Variants in OTOG observed in about 807,000 individuals in gnomAD.
OTOG encodes the protein otogelin.
OTOG carries 296 observed loss-of-function variants against 313.8 expected under a neutral mutation model. The observed-to-expected ratio is 0.94, with a 90% CI of 0.86 to 1.04. The LOEUF (loss-of-function observed/expected upper bound fraction) is 1.04, where lower values mean the gene tolerates loss of function less well. Among genes scored for constraint, OTOG ranks in the 50% least tolerant of loss-of-function variants. OTOG has a pLI of 0.00. For synonymous variants in OTOG, 1,533 were observed against 1,554.9 expected, an observed-to-expected ratio of 0.99 and a Z score of 0.33; for missense variants, 3,948 against 3,840.1, an observed-to-expected ratio of 1.03 and a Z score of -0.74.
rs1415578005 is a variant in OTOG at position 17,552,012 on chromosome 11, C to G, written c.229C>G (p.Pro77Ala). 18 of 1,550,376 alleles carry G rather than the reference C, an allele frequency of 1.2e-5. No homozygotes were observed. Among genetic ancestry groups the G allele is most frequent in the Non-Finnish European group, 1.3e-5 (15 of 1,146,908 alleles). The change falls in exon 4 of 56, where the codon CCA (proline) becomes GCA (alanine). Residue 77 changes from proline (P) to alanine (A), a missense_variant. Pro to Ala is a conservative substitution (Grantham distance 27, BLOSUM62 -1). Transcript: ENST00000399397. ...CTGTCTTCACAAGCAGGCTGAAGCCCCAGACTCCGTGGCCATGTCTTCCTG... is the reference window on the plus strand; with the variant it reads ...CTGTCTTCACAAGCAGGCTGAAGCCGCAGACTCCGTGGCCATGTCTTCCTG... ...TVVGGQQAEA[P>A]DSVAMSSWER... is the part of the protein sequence containing the mutation.
chr11:17,609,342 C>T, intron 35 of OTOG, 133 bp downstream of exon 35: 2 of 810,112 alleles, frequency 2.5e-6, no homozygotes, highest in South Asian at 1.7e-5. Flanking sequence ...GAAAGAGGCA[C>T]AGGCACAGGG....
chr11:17,593,522 G>A, intron 26 of OTOG, 88 bp from the exon 27 acceptor site: 2 of 1,503,896 alleles, frequency 1.3e-6, no homozygotes, highest in South Asian at 1.2e-5. Flanking sequence ...GGGAGGCAGA[G>A]GCATTGGTGA....
At chr11:17,564,291 G>A (rs1162624646) in intron 15 of OTOG, among the ~76,000 whole-genome samples, 1 of 152,174 alleles carries the variant, frequency 6.6e-6, no homozygotes. Context: ...GCTACAACAT[G>A]ATCAGTGCCA....
intron 21 of OTOG, 109 bp from the exon 22 acceptor site, chr11:17,576,759 A>T (rs2134033004): frequency 1.4e-6 from 2 of 1,465,140 alleles, no homozygotes; most frequent in Non-Finnish European, 1.9e-6. Flanking sequence ...GGGGGAAGTG[A>T]GTGAGGGTGT....
chr11:17,620,613 A>G (rs1241940084), intron 39 of OTOG, among the ~76,000 whole-genome samples: 1 of 151,988 alleles, frequency 6.6e-6, no homozygotes, highest in African/African-American at 2.4e-5. Flanking sequence ...TTGTTCCTTC[A>G]TACATAATGT....
intron 23 of OTOG, among the ~76,000 whole-genome samples, chr11:17,582,796 A>T (rs1055265331): frequency 2.6e-5 from 4 of 151,916 alleles, no homozygotes; most frequent in Non-Finnish European, 5.9e-5. Flanking sequence ...GCCCATTTTT[A>T]AATTTGGTCT....
At chr11:17,553,945 A>G (rs1852000472) in intron 6 of OTOG, among the ~76,000 whole-genome samples, 1 of 152,222 alleles carries the variant, frequency 6.6e-6, no homozygotes, top group East Asian at 1.9e-4. Context: ...ACATGTCCTG[A>G]AAACCTAATC....
intron 41 of OTOG, 41 bp downstream of exon 41, chr11:17,631,963 G>T: frequency 6.5e-7 from 1 of 1,545,074 alleles, no homozygotes; most frequent in Non-Finnish European, 8.7e-7. Flanking sequence ...CACCTCCTGG[G>T]CTGGCTGGGG....
intron 31 of OTOG, among the ~76,000 whole-genome samples, chr11:17,600,680 A>T (rs562680191): frequency 4.6e-5 from 7 of 152,292 alleles, no homozygotes; most frequent in African/African-American, 1.7e-4. Context: ...CAGACCTTCA[A>T]TTGGTAAAGG....
chr11:17,596,031 C>T lies in OTOG; in HGVS notation c.3409-7C>T. On this transcript the variant is annotated splice_polypyrimidine_tract_variant and splice_region_variant and intron_variant, in intron 28 of 55. Transcript: ENST00000399397. Reference sequence around the variant, plus strand: ...GGGAGGTCAACAGCCCTGCCTTTGCCCCTCAGTGCCCAGACACCCTCGATC... The same window carrying T: ...GGGAGGTCAACAGCCCTGCCTTTGCTCCTCAGTGCCCAGACACCCTCGATC... 2 of 1,546,570 alleles carry T rather than the reference C, an allele frequency of 1.3e-6. No individual in the cohort carries two copies. The highest frequency in any genetic ancestry group is 1.7e-6 in the Non-Finnish European group (2 of 1,143,252).
intron 23 of OTOG, among the ~76,000 whole-genome samples, chr11:17,582,446 A>G (rs1489775085): frequency 2.0e-5 from 3 of 152,128 alleles, no homozygotes; most frequent in Non-Finnish European, 4.4e-5. Flanking sequence ...TCAGTTTGGG[A>G]CTATTTTGAC....
chr11:17,570,305 C>A lies in OTOG; in HGVS notation c.1870C>A (p.Leu624Met). The change falls in exon 17 of 56, where the codon CTG becomes ATG. Residue 624 changes from leucine (L) to methionine (M), a missense_variant. By Grantham distance (15) the Leu-to-Met change is conservative. Transcript: ENST00000399397. ...GCTCTACGACCGTGAAGGGCTCCGA[C>A]TGTACCTGCAAGTGGACCAGCGATG... ...RVLYDREGLR[L>M]YLQVDQRWVE... 1 of 1,550,828 alleles carries A rather than the reference C, an allele frequency of 6.4e-7. No homozygotes were observed. Among genetic ancestry groups the A allele is most frequent in the Non-Finnish European group, 8.7e-7 (1 of 1,147,046 alleles).
At chr11:17,591,312 C>A in intron 24 of OTOG, 138 bp from the exon 25 acceptor site, 12 of 1,193,410 alleles carry the variant, frequency 1.0e-5, no homozygotes, top group Non-Finnish European at 1.4e-5. Context: ...CTCCAGGCTC[C>A]TGTTAGAGGT....
intron 23 of OTOG, among the ~76,000 whole-genome samples, chr11:17,580,027 G>A (rs933360908): frequency 6.6e-6 from 1 of 152,212 alleles, no homozygotes; most frequent in African/African-American, 2.4e-5. Context: ...CTGGGATAGG[G>A]CTCCCAAAGA....
At chr11:17,601,831 G>A (rs1217347265) in intron 31 of OTOG, among the ~76,000 whole-genome samples, 3 of 152,136 alleles carry the variant, frequency 2.0e-5, no homozygotes, top group Non-Finnish European at 2.9e-5. Context: ...GGCAGAAACC[G>A]GGTCTGACGT....
intron 5 of OTOG, 26 bp from the exon 6 acceptor site, chr11:17,553,339 G>T (rs1190689760): frequency 1.4e-6 from 2 of 1,474,046 alleles, no homozygotes; most frequent in South Asian, 1.4e-5. Context: ...TAGCTACACA[G>T]AGAGGTTCTC....
chr11:17,634,370 AG>A (rs891931826), intron 44 of OTOG, 89 bp downstream of exon 44: 1 of 1,377,660 alleles, frequency 7.3e-7, no homozygotes. Context: ...GGATAGGACA[AG>A]GCCTAGGAAA....
chr11:17,557,369 G>C (rs1169866604), intron 8 of OTOG, 46 bp downstream of exon 8: 1 of 1,534,848 alleles, frequency 6.5e-7, no homozygotes, highest in East Asian at 2.5e-5. Flanking sequence ...GTGGGGATGG[G>C]GGACAGGTCA....
Position 17,634,253 on chromosome 11 carries a change from G to A in OTOG, c.7452G>A (p.Lys2484=), listed in dbSNP as rs1854205056. 3 of 1,550,462 alleles carry A rather than the reference G, an allele frequency of 1.9e-6. No homozygotes were observed. Among genetic ancestry groups the A allele is most frequent in the Middle Eastern group, 1.7e-4 (1 of 5,988 alleles). ...AGGTGGCCTTGCTCCTACCCACCAA[G>A]GACCCCTGCTGCCTGGGGACTGTCT... is the stretch of plus-strand genomic sequence containing the variant. The part of the protein sequence containing the change: ...FGEVALLLPT[K]DPCCLGTVCV... Residue 2484 remains lysine (K), a synonymous_variant, in exon 44 of 56, where the codon AAG becomes AAA. Coordinates refer to ENST00000399397, the MANE Select transcript of OTOG (RefSeq NM_001292063.2).
Sources: allele counts gnomAD v4.1 joint callset (sites outside exome capture counted in the v4.1 genomes callset), GRCh38; gene constraint gnomAD v4.1.1; transcripts MANE v1.5; gene names NCBI Gene and HGNC (gene_info 2026-07-23, HGNC 2026-07-21).